The following FHIT variants were observed in gnomAD, a reference collection of about 807,000 sequenced individuals.
The protein encoded by FHIT is bis(5'-adenosyl)-triphosphatase.
In FHIT, 19 loss-of-function variants were observed where a neutral mutation model predicts 17.9. The observed-to-expected ratio is 1.06, with a 90% CI of 0.74 to 1.56. The LOEUF is 1.56. FHIT is among the 40% of genes most tolerant of loss of function. The probability of loss-of-function intolerance (pLI) is 0.00; values close to 1 mark genes in which losing one functional copy is unlikely to be tolerated. For missense variants in FHIT, 248 were observed against 189.2 expected, an observed-to-expected ratio of 1.31 and a Z score of -1.82; for synonymous variants, 81 against 69.7, an observed-to-expected ratio of 1.16 and a Z score of -0.81.
At chr3:60,691,386 T>C (rs998669616) in intron 4 of FHIT, among the ~76,000 whole-genome samples, 31 of 152,004 alleles carry the variant, frequency 2.0e-4, no homozygotes, top group Admixed American at 6.6e-5. Context: ...CTTTTTTTTT[T>C]TCTTGAGACA....
At chr3:60,504,834 A>C (rs1049867082) in intron 5 of FHIT, among the ~76,000 whole-genome samples, 9 of 152,208 alleles carry the variant, frequency 5.9e-5, no homozygotes, top group Admixed American at 5.9e-4. Flanking sequence ...GAAATTTAGT[A>C]GTGATTTAAT....
chr3:60,314,543 C>G (rs774032212), intron 5 of FHIT, among the ~76,000 whole-genome samples: 1 of 152,120 alleles, frequency 6.6e-6, no homozygotes, highest in Non-Finnish European at 1.5e-5. Flanking sequence ...TGGAGGGTTT[C>G]TTTTGTTGTT....
chr3:60,415,212 G>T (rs768359947), intron 5 of FHIT, among the ~76,000 whole-genome samples: 15 of 152,134 alleles, frequency 9.9e-5, no homozygotes, highest in Non-Finnish European at 2.1e-4. Flanking sequence ...TTTACTATGT[G>T]CCAGGTACTG....
chr3:60,116,894 G>C (rs1704988416), intron 5 of FHIT, among the ~76,000 whole-genome samples: 1 of 149,632 alleles, frequency 6.7e-6, no homozygotes, highest in African/African-American at 2.5e-5. Flanking sequence ...TCTATTTTTT[G>C]AGTTATTTAC....
intron 4 of FHIT, among the ~76,000 whole-genome samples, chr3:60,561,930 A>G (rs142452411): frequency 6.7e-6 from 1 of 148,552 alleles, no homozygotes; most frequent in African/African-American, 2.5e-5. Flanking sequence ...GAGAGAAAGA[A>G]AAAGAGAAAG....
intron 5 of FHIT, among the ~76,000 whole-genome samples, chr3:60,502,745 C>T (rs1382655277): frequency 6.6e-6 from 1 of 152,150 alleles, no homozygotes; most frequent in Non-Finnish European, 1.5e-5. Flanking sequence ...GACGACAACA[C>T]TATGACTATA....
In FHIT at chr3:61,039,844, G is replaced by C. The variant is rs117371075; in HGVS notation, c.-111+2203C>G. Among the ~76,000 whole-genome samples the C allele has an allele frequency of 4.7e-4, 71 of 152,110 alleles. No individual in the cohort carries two copies. The East Asian group carries it at 0.014, about 29-fold the overall frequency. On this transcript the variant is annotated intron_variant, in intron 3 of 9. Transcript: ENST00000492590. ...CTGCACACATATCCTGGAACTTAAA[G>C]TATAAAAAAACAAACAAACAAAAAA...
intron 3 of FHIT, among the ~76,000 whole-genome samples, chr3:60,942,134 A>T (rs4974238): frequency 1.3e-5 from 2 of 152,066 alleles, no homozygotes; most frequent in Non-Finnish European, 2.9e-5. Context: ...AGGTGCCCAC[A>T]GCCATGCCTG....
intron 5 of FHIT, among the ~76,000 whole-genome samples, chr3:60,325,610 C>A (rs1363835296): frequency 6.6e-6 from 1 of 152,160 alleles, no homozygotes; most frequent in Non-Finnish European, 1.5e-5. Flanking sequence ...CATTTTTAAT[C>A]TAACAGGTTT....
At chr3:61,151,238 C>T (rs1363929163) in intron 2 of FHIT, among the ~76,000 whole-genome samples, 1 of 152,146 alleles carries the variant, frequency 6.6e-6, no homozygotes, top group East Asian at 1.9e-4. Context: ...CAACATAAGA[C>T]ATGATTTCAA....
At chr3:60,464,188 A>T (rs2032649605) in intron 5 of FHIT, among the ~76,000 whole-genome samples, 1 of 152,154 alleles carries the variant, frequency 6.6e-6, no homozygotes, top group Non-Finnish European at 1.5e-5. Context: ...AGAACTAGGT[A>T]TTTCTAGGTT....
intron 4 of FHIT, among the ~76,000 whole-genome samples, chr3:60,546,077 T>C (rs73105619): frequency 0.072 from 11,006 of 152,232 alleles, 486 homozygotes; most frequent in Middle Eastern, 0.11. Context: ...TCCATCACCT[T>C]ACATTAGCGT....
intron 5 of FHIT, among the ~76,000 whole-genome samples, chr3:60,421,887 CAG>C (rs1702483729): frequency 1.3e-5 from 2 of 152,040 alleles, no homozygotes; most frequent in Admixed American, 6.6e-5. Context: ...CCAACGGAAG[CAG>C]AGAGACTTGT....
chr3:59,937,156 C>A (rs1228960254), intron 7 of FHIT, among the ~76,000 whole-genome samples: 1 of 152,204 alleles, frequency 6.6e-6, no homozygotes, highest in African/African-American at 2.4e-5. Context: ...GTCATTATCA[C>A]TTTAAAAGGT....
At chr3:59,992,589 G>C (rs1349092284) in intron 7 of FHIT, among the ~76,000 whole-genome samples, 2 of 152,170 alleles carry the variant, frequency 1.3e-5, no homozygotes, top group East Asian at 1.9e-4. Context: ...GCAAAAACTA[G>C]TATTTCATCT....
intron 2 of FHIT, among the ~76,000 whole-genome samples, chr3:61,186,921 G>A (rs905822924): frequency 3.3e-5 from 5 of 152,150 alleles, no homozygotes; most frequent in Non-Finnish European, 7.3e-5. Context: ...CGCTCCAAAT[G>A]AGGAGGCCTG....
chr3:60,543,907 C>CTTTTTTTTGTTTTTTTTTT (rs2036270722), intron 4 of FHIT, among the ~76,000 whole-genome samples: 1 of 52,076 alleles, frequency 1.9e-5, no homozygotes, highest in African/African-American at 9.7e-5. Context: ...CCACGCCCGG[C>CTTTTTTTTGTTTTTTTTTT]TTTTTTTTTT....
intron 5 of FHIT, among the ~76,000 whole-genome samples, chr3:60,212,386 G>C (rs991984367): frequency 6.6e-6 from 1 of 152,118 alleles, no homozygotes; most frequent in Non-Finnish European, 1.5e-5. Context: ...TAGGGTATTT[G>C]TTGGATTTAA....
chr3:59,959,455 A>G (rs928543345), intron 7 of FHIT, among the ~76,000 whole-genome samples: 4 of 152,190 alleles, frequency 2.6e-5, no homozygotes, highest in Admixed American at 6.5e-5. Context: ...CTTGAAATCT[A>G]TGTTCTTAAT....
Sources: gnomAD v4.1 joint callset for allele counts (sites outside exome capture counted in the v4.1 genomes callset) on GRCh38, gnomAD v4.1.1 for gene constraint, MANE v1.5 for transcripts, NCBI Gene and HGNC (gene_info 2026-07-23, HGNC 2026-07-21) for gene names.